The following NKAIN2 variants were observed in gnomAD, a reference collection of about 807,000 sequenced individuals.
The protein encoded by NKAIN2 is sodium/potassium-transporting ATPase subunit beta-1-interacting protein 2.
NKAIN2 carries 14 observed loss-of-function variants against 32.6 expected under a neutral mutation model. The ratio of observed to expected loss-of-function variants is 0.43; its 90% CI spans 0.28 to 0.67. The LOEUF (loss-of-function observed/expected upper bound fraction) is 0.67, where lower values mean the gene tolerates loss of function less well. Among genes scored for constraint, NKAIN2 ranks in the 30% least tolerant of loss-of-function variants. The probability of loss-of-function intolerance (pLI) is 0.17; values close to 1 mark genes in which losing one functional copy is unlikely to be tolerated. For synonymous variants in NKAIN2, 80 were observed against 87.2 expected (o/e 0.92, Z 0.46); for missense variants, 198 against 258.3 (o/e 0.77, Z 1.60).
At position 124,640,222 on chromosome 6, in the gene NKAIN2, A is replaced by G. The variant is rs769482491; in HGVS notation, c.274-17964A>G. ...GGGGTGGGTTTCCTATTCAGGGACAATAGTGACTGGCAGTAATGGTGGGGA... is the reference window on the plus strand; with the variant it reads ...GGGGTGGGTTTCCTATTCAGGGACAGTAGTGACTGGCAGTAATGGTGGGGA... On this transcript the variant is annotated intron_variant, in intron 3 of 6. Transcript: ENST00000368417. 4.6e-5 allele frequency among the ~76,000 whole-genome samples: 7 copies of G among 152,180 alleles called. No homozygotes were observed. In the South Asian group the frequency reaches 6.2e-4, roughly 14 times the overall value.
chr6:124,158,206 C>G (rs1314790968), intron 1 of NKAIN2, among the ~76,000 whole-genome samples: 1 of 152,050 alleles, frequency 6.6e-6, no homozygotes, highest in African/African-American at 2.4e-5. Context: ...CTGCCTTTTT[C>G]CTTTGTTCTT....
intron 1 of NKAIN2, among the ~76,000 whole-genome samples, chr6:124,029,140 T>C (rs1287984519): frequency 6.6e-6 from 1 of 151,630 alleles, no homozygotes; most frequent in Non-Finnish European, 1.5e-5. Context: ...TTGGTTACTT[T>C]ATATGTTTTA....
chr6:124,033,420 AG>A (rs1377099270), intron 1 of NKAIN2, among the ~76,000 whole-genome samples: 1 of 152,120 alleles, frequency 6.6e-6, no homozygotes, highest in Admixed American at 6.6e-5. Context: ...GTATACAAGT[AG>A]GGGGAAGAAA....
intron 1 of NKAIN2, among the ~76,000 whole-genome samples, chr6:124,189,594 G>A (rs903362864): frequency 6.6e-6 from 1 of 152,118 alleles, no homozygotes; most frequent in Non-Finnish European, 1.5e-5. Flanking sequence ...CAGCTACTCA[G>A]GAGGCTAAGG....
chr6:123,813,671 G>A (rs773405066), intron 1 of NKAIN2, among the ~76,000 whole-genome samples: 1 of 152,024 alleles, frequency 6.6e-6, no homozygotes, highest in Non-Finnish European at 1.5e-5. Context: ...AATTAGCGGG[G>A]CATGGTGTTG....
intron 4 of NKAIN2, among the ~76,000 whole-genome samples, chr6:124,711,588 C>A (rs1222763526): frequency 1.3e-5 from 2 of 150,592 alleles, no homozygotes; most frequent in African/African-American, 4.9e-5. Flanking sequence ...ATTGCTGATA[C>A]CCTTTCTTCC....
At chr6:124,425,659 C>A (rs577777847) in intron 3 of NKAIN2, among the ~76,000 whole-genome samples, 1 of 152,128 alleles carries the variant, frequency 6.6e-6, no homozygotes, top group Admixed American at 6.6e-5. Flanking sequence ...AGACCTTTCT[C>A]CAAAGAAGAC....
intron 1 of NKAIN2, among the ~76,000 whole-genome samples, chr6:123,920,707 C>A (rs1174434967): frequency 1.3e-5 from 2 of 152,126 alleles, no homozygotes; most frequent in Admixed American, 6.6e-5. Context: ...TACATCTGTT[C>A]AATTGTGACA....
chr6:123,810,093 C>T (rs185072416), intron 1 of NKAIN2, among the ~76,000 whole-genome samples: 1 of 152,034 alleles, frequency 6.6e-6, no homozygotes, highest in Non-Finnish European at 1.5e-5. Context: ...CCACTGAATC[C>T]TCTCTGGTAA....
chr6:124,774,856 C>CA (rs777636496), intron 4 of NKAIN2, among the ~76,000 whole-genome samples: 5,724 of 72,484 alleles, frequency 0.079, 203 homozygotes, highest in Middle Eastern at 0.14. Context: ...AACTTCATCT[C>CA]AAAAAAAAAA....
At chr6:124,219,261 T>A (rs983220510) in intron 1 of NKAIN2, among the ~76,000 whole-genome samples, 1 of 144,746 alleles carries the variant, frequency 6.9e-6, no homozygotes, top group South Asian at 2.3e-4. Flanking sequence ...ATTTTTATTT[T>A]TATTTTCTTT....
chr6:124,497,285 T>C (rs1450311936), intron 3 of NKAIN2, among the ~76,000 whole-genome samples: 7 of 152,200 alleles, frequency 4.6e-5, no homozygotes, highest in Admixed American at 4.6e-4. Context: ...TTTTACAAGA[T>C]GTATGACTTG....
At chr6:124,003,603 G>A (rs1779960707) in intron 1 of NKAIN2, among the ~76,000 whole-genome samples, 1 of 152,092 alleles carries the variant, frequency 6.6e-6, no homozygotes, top group Non-Finnish European at 1.5e-5. Context: ...ATGGAATTTT[G>A]TACACATAAT....
At chr6:124,689,632 T>C (rs796688189) in intron 4 of NKAIN2, among the ~76,000 whole-genome samples, 15 of 152,210 alleles carry the variant, frequency 9.9e-5, no homozygotes, top group African/African-American at 3.6e-4. Flanking sequence ...GAGTTAATTT[T>C]TGTGAAAAGT....
At chr6:124,355,627 A>G (rs1798936689) in intron 3 of NKAIN2, among the ~76,000 whole-genome samples, 1 of 152,172 alleles carries the variant, frequency 6.6e-6, no homozygotes, top group African/African-American at 2.4e-5. Flanking sequence ...TTCTGAAGCA[A>G]AATGTGAATT....
chr6:123,910,923 C>T (rs894185443), intron 1 of NKAIN2, among the ~76,000 whole-genome samples: 1 of 151,958 alleles, frequency 6.6e-6, no homozygotes, highest in Admixed American at 6.6e-5. Flanking sequence ...ATGCAAAATC[C>T]GTAACTATAC....
At chr6:124,188,194 T>A (rs934462281) in intron 1 of NKAIN2, among the ~76,000 whole-genome samples, 3 of 152,296 alleles carry the variant, frequency 2.0e-5, no homozygotes, top group African/African-American at 7.2e-5. Context: ...TAGCATCATA[T>A]CATGATTCAA....
chr6:124,415,460 C>T (rs561395495), intron 3 of NKAIN2, among the ~76,000 whole-genome samples: 1 of 152,332 alleles, frequency 6.6e-6, no homozygotes, highest in South Asian at 2.1e-4. Flanking sequence ...TGCCACCCTC[C>T]AGGAACCCAC....
intron 1 of NKAIN2, among the ~76,000 whole-genome samples, chr6:123,992,331 A>G (rs1190132530): frequency 6.6e-6 from 1 of 152,178 alleles, no homozygotes. Context: ...GTTTGCTGTA[A>G]TGTCTAATGA....
Sources: allele counts gnomAD v4.1 joint callset (sites outside exome capture counted in the v4.1 genomes callset), GRCh38; gene constraint gnomAD v4.1.1; transcripts MANE v1.5; gene names NCBI Gene and HGNC (gene_info 2026-07-23, HGNC 2026-07-21).